The following MBNL3 variants were observed in gnomAD, a reference collection of about 807,000 sequenced individuals.
The protein encoded by MBNL3 is muscleblind like splicing regulator 3.
A neutral mutation model predicts 24.5 loss-of-function variants in MBNL3; 6 were observed. The ratio of observed to expected loss-of-function variants is 0.25; its 90% CI spans 0.13 to 0.48. The LOEUF is 0.48. MBNL3 is among the 20% of genes least tolerant of loss of function. MBNL3 has a pLI of 0.99. For synonymous variants in MBNL3, 100 were observed against 101.7 expected, an observed-to-expected ratio of 0.98 and a Z score of 0.10; for missense variants, 230 against 293.5, an observed-to-expected ratio of 0.78 and a Z score of 1.58.
intron 1 of MBNL3, among the ~76,000 whole-genome samples, chrX:132,454,917 A>G (rs1042688598): frequency 8.9e-6 from 1 of 112,204 alleles, no homozygotes; most frequent in Non-Finnish European, 1.9e-5. Context: ...AGTTTCTAAA[A>G]TAAAAATTTT....
intron 1 of MBNL3, among the ~76,000 whole-genome samples, chrX:132,449,192 GTTAA>G (rs1444860903): frequency 2.7e-5 from 3 of 111,642 alleles, no homozygotes; most frequent in Non-Finnish European, 5.6e-5. Flanking sequence ...GAATATCCTT[GTTAA>G]TTTTCTGTCT....
intron 1 of MBNL3, among the ~76,000 whole-genome samples, chrX:132,473,054 G>A (rs1233716181): frequency 1.8e-5 from 2 of 111,749 alleles, no homozygotes; most frequent in East Asian, 5.6e-4. Context: ...TACAGGGCTG[G>A]CTGATTCCCT....
rs778184039 is a variant in MBNL3 at position 132,396,923 on chromosome X, T to A, written c.343-4589A>T. 6.3e-5 allele frequency among the ~76,000 whole-genome samples: 5 copies of A among 79,241 alleles called. No homozygotes were observed. The South Asian group carries it at 3.1e-3, about 49-fold the overall frequency. 68.8% of individuals were successfully genotyped at this position (79,241 alleles called of 115,157 possible). ...TCATATATACATATATACATATATA[T>A]TCATATATACATTCATATATATATT... On this transcript the variant is annotated intron_variant, in intron 3 of 8. Transcript: ENST00000370853.
intron 5 of MBNL3, among the ~76,000 whole-genome samples, chrX:132,387,500 G>A (rs1936313275): frequency 9.0e-6 from 1 of 110,999 alleles, no homozygotes; most frequent in Non-Finnish European, 1.9e-5. Context: ...AGATATAGCA[G>A]GAAAGAGATT....
At chrX:132,476,394 G>A (rs1397387054) in intron 1 of MBNL3, among the ~76,000 whole-genome samples, 1 of 111,711 alleles carries the variant, frequency 9.0e-6, no homozygotes, top group African/African-American at 3.3e-5. Flanking sequence ...TCTGCTAACA[G>A]CAATACAGCA....
chrX:132,406,771 AT>A (rs1361288244), intron 2 of MBNL3, among the ~76,000 whole-genome samples: 2 of 112,029 alleles, frequency 1.8e-5, no homozygotes, highest in Admixed American at 1.9e-4. Flanking sequence ...GCTGCTGATT[AT>A]GGTTTACTAT....
At chrX:132,409,671 C>G (rs1229238452) in intron 2 of MBNL3, among the ~76,000 whole-genome samples, 23 of 111,403 alleles carry the variant, frequency 2.1e-4, no homozygotes, top group Non-Finnish European at 5.7e-5. Context: ...TGTAAACGTA[C>G]CTACAACAGT....
intron 5 of MBNL3, among the ~76,000 whole-genome samples, chrX:132,390,231 CACAAA>C (rs1289064955): frequency 2.2e-5 from 2 of 92,653 alleles, no homozygotes; most frequent in African/African-American, 8.1e-5. Context: ...CAACCACCCC[CACAAA>C]ACAAAACAAA....
chrX:132,405,659 TG>T (rs761627491), intron 3 of MBNL3, among the ~76,000 whole-genome samples: 1 of 111,015 alleles, frequency 9.0e-6, no homozygotes, highest in East Asian at 2.8e-4. Context: ...GTGGATCACC[TG>T]AAGTCAGGCG....
intron 1 of MBNL3, among the ~76,000 whole-genome samples, chrX:132,441,163 A>G (rs1181338038): frequency 8.9e-6 from 1 of 112,373 alleles, no homozygotes; most frequent in African/African-American, 3.2e-5. Context: ...AAATCATTCT[A>G]AAATGTATTC....
intron 1 of MBNL3, among the ~76,000 whole-genome samples, chrX:132,461,719 G>A (rs1020073664): frequency 9.0e-6 from 1 of 111,501 alleles, no homozygotes; most frequent in African/African-American, 3.3e-5. Context: ...CACAATGACT[G>A]TATCTATGTA....
chrX:132,446,009 T>C (rs941251559), intron 1 of MBNL3, among the ~76,000 whole-genome samples: 3 of 111,298 alleles, frequency 2.7e-5, no homozygotes, highest in African/African-American at 9.8e-5. Context: ...TATGTTCTCA[T>C]TGTTCAACTC....
rs184751786 is a variant in MBNL3 at position 132,447,773 on chromosome X, A to T, written c.-703-7459T>A. 7.4e-3 allele frequency among the ~76,000 whole-genome samples: 830 copies of T among 112,251 alleles called. 4 individuals are homozygous for T. The highest frequency in any genetic ancestry group is 0.025 in the African/African-American group (783 of 30,889). On this transcript the variant is annotated intron_variant, in intron 1 of 8. Coordinates refer to ENST00000370853, the MANE Select transcript of MBNL3 (RefSeq NM_001386889.1). ...CTCTTGCCTGATTGCCCTGGCCAGA[A>T]CTTCCAATACTATGTTGAATAGGAG...
At chrX:132,470,206 G>T (rs1947104915) in intron 1 of MBNL3, among the ~76,000 whole-genome samples, 1 of 111,261 alleles carries the variant, frequency 9.0e-6, no homozygotes, top group Admixed American at 9.6e-5. Flanking sequence ...GACATCTAAG[G>T]CAATAAAGGT....
intron 2 of MBNL3, among the ~76,000 whole-genome samples, chrX:132,411,782 T>C (rs932568988): frequency 6.3e-5 from 7 of 111,685 alleles, no homozygotes; most frequent in Non-Finnish European, 1.1e-4. Flanking sequence ...CTATTAGACT[T>C]TGAGCCTGTA....
chrX:132,468,334 C>T (rs774056296), intron 1 of MBNL3, among the ~76,000 whole-genome samples: 12 of 111,894 alleles, frequency 1.1e-4, no homozygotes, highest in Non-Finnish European at 1.7e-4. Flanking sequence ...GAATGTCAAC[C>T]GTGACCTCTT....
intron 3 of MBNL3, among the ~76,000 whole-genome samples, chrX:132,399,496 A>G (rs1397146309): frequency 9.0e-6 from 1 of 110,805 alleles, no homozygotes; most frequent in Non-Finnish European, 1.9e-5. Context: ...AAGTGTATAA[A>G]AAGTAATTTT....
chrX:132,476,881 A>C (rs1947468978), intron 1 of MBNL3, among the ~76,000 whole-genome samples: 1 of 111,793 alleles, frequency 8.9e-6, no homozygotes, highest in African/African-American at 3.3e-5. Flanking sequence ...AGTCAACTAC[A>C]TGCTTGTTAC....
intron 1 of MBNL3, among the ~76,000 whole-genome samples, chrX:132,470,422 G>A (rs1947119720): frequency 9.0e-6 from 1 of 110,902 alleles, no homozygotes; most frequent in Admixed American, 9.6e-5. Context: ...AAAGGGGGAT[G>A]AAAAGGAGAG....
Sources: gnomAD v4.1 joint callset for allele counts (sites outside exome capture counted in the v4.1 genomes callset) on GRCh38, gnomAD v4.1.1 for gene constraint, MANE v1.5 for transcripts, NCBI Gene and HGNC (gene_info 2026-07-23, HGNC 2026-07-21) for gene names.